DOK2: variants seen among roughly 807,000 people sequenced by gnomAD.
The protein encoded by DOK2 is docking protein 2, 56kD.
In DOK2, 28 loss-of-function variants were observed where a neutral mutation model predicts 26.0. The ratio of observed to expected loss-of-function variants is 1.08; its 90% CI spans 0.80 to 1.48. The LOEUF (loss-of-function observed/expected upper bound fraction) is 1.48, where lower values mean the gene tolerates loss of function less well. Among genes scored for constraint, DOK2 ranks in the 40% most tolerant of loss-of-function variants. DOK2 has a pLI of 0.00. For synonymous variants in DOK2, 282 were observed against 236.9 expected (o/e 1.19, Z -1.75); for missense variants, 682 against 558.2 (o/e 1.22, Z -2.23).
Position 21,912,344 on chromosome 8 carries a change from C to A in DOK2, c.230G>T (p.Ser77Ile), listed in dbSNP as rs754809072. 6 of 1,607,536 alleles carry A rather than the reference C, an allele frequency of 3.7e-6. No individual in the cohort carries two copies. Among genetic ancestry groups the A allele is most frequent in the Non-Finnish European group, 5.1e-6 (6 of 1,178,472 alleles). Reference protein sequence around the residue: ...RVAEAGGEASSPRDTSAFFLE... With the variant: ...RVAEAGGEASIPRDTSAFFLE... ...GAAGAAGGCACTGGTGTCCCGGGGG[C>A]TGCTGGCCTCTCCGCCGGCCTCGGC... The change falls in exon 2 of 5, where the codon AGC (serine) becomes ATC (isoleucine). Residue 77 changes from serine to isoleucine, a missense_variant. Coordinates refer to ENST00000276420, the MANE Select transcript of DOK2 (RefSeq NM_003974.4).
chr8:21,913,518 C>G lies in DOK2; in HGVS notation c.63+21G>C, dbSNP rs771690616. ...AGCCTCCCAGGCCCCCTGCCCAACCCCAGCCCAGCCTCACTCCTACCTTTC... is the reference window on the plus strand; with the variant it reads ...AGCCTCCCAGGCCCCCTGCCCAACCGCAGCCCAGCCTCACTCCTACCTTTC... On this transcript the variant is annotated intron_variant, in intron 1 of 4. Transcript: ENST00000276420. 1.3e-5 allele frequency: 21 copies of G among 1,613,762 alleles called. No individual in the cohort carries two copies. The South Asian group carries it at 2.3e-4, about 18-fold the overall frequency.
intron 1 of DOK2, among the ~76,000 whole-genome samples, chr8:21,913,252 T>C (rs899428): frequency 0.58 from 87,894 of 151,934 alleles, 26,235 homozygotes; most frequent in African/African-American, 0.73. Context: ...GAAGTCAACA[T>C]AGAGCAAGAG....
chr8:21,911,184 C>G (rs1227658940), intron 3 of DOK2: 1 of 304,870 alleles, frequency 3.3e-6, no homozygotes, highest in Non-Finnish European at 6.1e-6. Context: ...AAACCAGCCA[C>G]CACCCTAGTC....
Position 21,912,386 on chromosome 8 carries a change from C to A in DOK2, c.188G>T (p.Ser63Ile). The A allele has an allele frequency of 6.2e-7, 1 of 1,601,706 alleles. No individual in the cohort carries two copies. Among genetic ancestry groups the A allele is most frequent in the Non-Finnish European group, 8.5e-7 (1 of 1,175,796 alleles). Reference protein sequence around the residue: ...CEAARKVIRLSDCLRVAEAGG... With the variant: ...CEAARKVIRLIDCLRVAEAGG... ...GGCCTCGGCCACCCGCAGGCAGTCA[C>A]TGAGGCGGATGACCTTCCGGGCAGC... Residue 63 changes from serine (S) to isoleucine (I), a missense_variant, in exon 2 of 5, where the codon AGT (serine) becomes ATT (isoleucine). Transcript: ENST00000276420.
Position 21,909,913 on chromosome 8 carries a change from C to T in DOK2, c.637G>A (p.Ala213Thr). The T allele has an allele frequency of 6.2e-7, 1 of 1,610,454 alleles. No individual in the cohort carries two copies. The change falls in exon 5 of 5, where the codon GCA (alanine) becomes ACA (threonine). Residue 213 changes from alanine to threonine, a missense_variant. Physicochemically the swap from Ala to Thr is moderately conservative, Grantham distance 58. Transcript: ENST00000276420. ...GRDKVTFSFE[A>T]GRRCVSGEGN... ...TCTCCAGAGACGCAGCGACGGCCTGCCTCAAAGGAAAAGGTTACCTGGACC... is the reference window on the plus strand; with the variant it reads ...TCTCCAGAGACGCAGCGACGGCCTGTCTCAAAGGAAAAGGTTACCTGGACC...
In DOK2 at chr8:21,909,556, TGTC is replaced by T; in HGVS notation, c.991_993del (p.Asp331del). 6.2e-7 allele frequency: 1 copy of T among 1,614,068 alleles called. No homozygotes were observed. The highest frequency in any genetic ancestry group is 1.1e-5 in the South Asian group (1 of 91,084). ...CGAGGGGGCAGGGTCTCCTCAATGCTGTCGTACAGAGGGTCGGCCAGGAGCTGA... is the reference window on the plus strand; with the variant it reads ...CGAGGGGGCAGGGTCTCCTCAATGCTGTACAGAGGGTCGGCCAGGAGCTGA... On this transcript the variant is annotated inframe_deletion, in exon 5 of 5. Coordinates refer to ENST00000276420, the MANE Select transcript of DOK2 (RefSeq NM_003974.4).
At chr8:21,913,398 C>A (rs1448259701) in intron 1 of DOK2, 141 bp downstream of exon 1, 5 of 989,750 alleles carry the variant, frequency 5.1e-6, no homozygotes, top group Non-Finnish European at 7.3e-6. Context: ...AAGAGCCCTC[C>A]CAAAGTTGAG....
At position 21,911,939 on chromosome 8, in the gene DOK2, C is replaced by A. The variant is rs1271144719; in HGVS notation, c.395G>T (p.Cys132Phe). 1.2e-5 allele frequency: 19 copies of A among 1,563,280 alleles called. No individual in the cohort carries two copies. The highest frequency in any genetic ancestry group is 1.6e-5 in the Non-Finnish European group (19 of 1,153,652). Residue 132 changes from cysteine (C) to phenylalanine (F), a missense_variant, in exon 3 of 5, where the codon TGC becomes TTC. Physicochemically the swap from Cys to Phe is radical, Grantham distance 205. Transcript: ENST00000276420. Reference sequence around the variant, plus strand: ...GCTGTACAATTCATTTTCCTCCATGCAGGGCCGGCTCTGCTTTCCCTCTGG... The same window carrying A: ...GCTGTACAATTCATTTTCCTCCATGAAGGGCCGGCTCTGCTTTCCCTCTGG... ...SGPEGKQSRPCMEENELYSSA... is the reference protein window; with the variant it reads ...SGPEGKQSRPFMEENELYSSA...
intron 3 of DOK2, 66 bp from the exon 4 acceptor site, chr8:21,910,923 G>A (rs1809819576): frequency 6.7e-7 from 1 of 1,491,792 alleles, no homozygotes; most frequent in Non-Finnish European, 9.0e-7. Flanking sequence ...CCTCACCACT[G>A]CCCAGTTCTA....
rs142966461 is a variant in DOK2, at chr8:21,909,641, G to A, written c.909C>T (p.Phe303=). Residue 303 remains phenylalanine (F), a synonymous_variant, in exon 5 of 5, where the codon TTC becomes TTT. Coordinates refer to ENST00000276420, the MANE Select transcript of DOK2 (RefSeq NM_003974.4). ...RGQEGEYAVP[F]DAVARSLGKN... is the part of the protein sequence containing the mutation. ...TCCCCAAGGAACGGGCCACCGCATC[G>A]AAGGGCACGGCATACTCCCCCTCCT... is the stretch of plus-strand genomic sequence containing the variant. 1.7e-5 allele frequency: 28 copies of A among 1,613,104 alleles called. No homozygotes were observed. Among genetic ancestry groups the A allele is most frequent in the South Asian group, 2.2e-5 (2 of 91,090 alleles).
chr8:21,909,212 G>T lies in DOK2; in HGVS notation c.*99C>A. The stretch of plus-strand genomic sequence containing the variant: ...CCCCAACGAAGACAGGCCAGGCCTC[G>T]GGCTCCAGAAGGGGCAGAGGAGGTT... On this transcript the variant is annotated 3_prime_UTR_variant, in exon 5 of 5. Transcript: ENST00000276420. 1 of 1,407,460 alleles carries T rather than the reference G, an allele frequency of 7.1e-7. No homozygotes were observed. Among genetic ancestry groups the T allele is most frequent in the Non-Finnish European group, 9.6e-7 (1 of 1,045,616 alleles). 87.2% of individuals were successfully genotyped at this position (1,407,460 alleles called of 1,614,324 possible).
intron 4 of DOK2, among the ~76,000 whole-genome samples, chr8:21,910,378 C>T (rs1040716339): frequency 1.3e-5 from 2 of 152,132 alleles, no homozygotes; most frequent in Non-Finnish European, 2.9e-5. Flanking sequence ...CTGTGCTTTC[C>T]CCTACAGGCA....
At chr8:21,912,100 C>A in intron 2 of DOK2, 112 bp from the exon 3 acceptor site, 1 of 1,468,692 alleles carries the variant, frequency 6.8e-7, no homozygotes, top group Non-Finnish European at 9.0e-7. Flanking sequence ...ACACTGGGTT[C>A]GGGTCCCCCC....
intron 2 of DOK2, 58 bp from the exon 3 acceptor site, chr8:21,912,046 C>T: frequency 6.6e-7 from 1 of 1,519,684 alleles, no homozygotes; most frequent in Admixed American, 2.1e-5. Flanking sequence ...CCCCTCTGGC[C>T]CAGGCCTTCT....
rs771093305 is a variant in DOK2 at position 21,912,302 on chromosome 8, C to A, written c.272G>T (p.Arg91Leu). The A allele has an allele frequency of 1.0e-5, 16 of 1,600,430 alleles. No individual in the cohort carries two copies. Among genetic ancestry groups the A allele is most frequent in the Non-Finnish European group, 1.4e-5 (16 of 1,175,502 alleles). ...TGCAGGGGCCGCCAGGAGGTACAGG[C>A]GCTCCTTGGTCTCCAGGAAGAAGGC... ...TSAFFLETKE[R>L]LYLLAAPAAE... Residue 91 changes from arginine to leucine, a missense_variant, in exon 2 of 5, where the codon CGC (arginine) becomes CTC (leucine). Arg to Leu is a moderately radical substitution (Grantham distance 102). Transcript: ENST00000276420.
Position 21,913,624 on chromosome 8 carries a change from A to T in DOK2, c.-23T>A. 1 of 1,613,482 alleles carries T rather than the reference A, an allele frequency of 6.2e-7. No individual in the cohort carries two copies. Among genetic ancestry groups the T allele is most frequent in the Non-Finnish European group, 8.5e-7 (1 of 1,179,808 alleles). ...CATCCTCTGACCATCTCGGAGCCCC[A>T]GGCTTCAGCTCTCTCCTTCACTCCT... is the stretch of plus-strand genomic sequence containing the variant. On this transcript the variant is annotated 5_prime_UTR_variant, in exon 1 of 5. Transcript: ENST00000276420.
Position 21,912,483 on chromosome 8 carries a change from A to G in DOK2, c.91T>C (p.Tyr31His), listed in dbSNP as rs1431158963. 1.3e-6 allele frequency: 2 copies of G among 1,544,320 alleles called. No individual in the cohort carries two copies. The highest frequency in any genetic ancestry group is 1.7e-6 in the Non-Finnish European group (2 of 1,146,462). The change falls in exon 2 of 5, where the codon TAT becomes CAT. Residue 31 changes from tyrosine to histidine, a missense_variant. Physicochemically the swap from Tyr to His is moderately conservative, Grantham distance 83 (BLOSUM62 2). Transcript: ENST00000276420. Reference sequence around the variant, plus strand: ...GCCAAGGCGCAGTCCGACCCTCCATACAGTGAGGCGCCGAAGCGGCGCCAT... The same window carrying G: ...GCCAAGGCGCAGTCCGACCCTCCATGCAGTGAGGCGCCGAAGCGGCGCCAT... ...KKWRRFGASLYGGSDCALARL... is the reference protein window; with the variant it reads ...KKWRRFGASLHGGSDCALARL...
At chr8:21,910,440 C>T (rs1369725293) in intron 4 of DOK2, among the ~76,000 whole-genome samples, 1 of 152,164 alleles carries the variant, frequency 6.6e-6, no homozygotes, top group Non-Finnish European at 1.5e-5. Flanking sequence ...CTCACTGCCA[C>T]CATTTCAAGG....
intron 3 of DOK2, chr8:21,911,105 G>A (rs1020889872): frequency 1.4e-5 from 7 of 512,450 alleles, no homozygotes; most frequent in Non-Finnish European, 2.1e-5. Flanking sequence ...CCCCAACCTC[G>A]TGCCCACATC....
Sources: gnomAD v4.1 joint callset for allele counts (sites outside exome capture counted in the v4.1 genomes callset) on GRCh38, gnomAD v4.1.1 for gene constraint, MANE v1.5 for transcripts, NCBI Gene and HGNC (gene_info 2026-07-23, HGNC 2026-07-21) for gene names.